Variants in NOD2 observed in about 807,000 individuals in gnomAD.
The protein encoded by NOD2 is nucleotide binding oligomerization domain containing 2, also known as nucleotide-binding oligomerization domain-containing protein 2.
In NOD2, 86 loss-of-function variants were observed where a neutral mutation model predicts 90.9. That is an observed-to-expected ratio of 0.95 (90% CI 0.79 to 1.13). NOD2 has a LOEUF of 1.13. Among genes scored for constraint, NOD2 ranks in the 50% most tolerant of loss-of-function variants. The probability of loss-of-function intolerance (pLI) is 0.00; values close to 1 mark genes in which losing one functional copy is unlikely to be tolerated. For synonymous variants in NOD2, 581 were observed against 554.6 expected, an observed-to-expected ratio of 1.05 and a Z score of -0.67; for missense variants, 1,238 against 1,283.8, an observed-to-expected ratio of 0.96 and a Z score of 0.55.
rs1258682948 is a variant in NOD2 at position 50,699,678 on chromosome 16, T to C, written c.183T>C (p.Leu61=). Reference sequence around the variant, plus strand: ...CTCTCTCCCACTTGGCCAGGCGCCTTCTGGACACCGTCTGGAATAAGGGTA... The same window carrying C: ...CTCTCTCCCACTTGGCCAGGCGCCTCCTGGACACCGTCTGGAATAAGGGTA... The part of the protein sequence containing the change: ...GQPLSHLARR[L]LDTVWNKGTW... The change falls in exon 2 of 12, where the codon CTT becomes CTC. Residue 61 remains leucine (L), a synonymous_variant. Transcript: ENST00000647318. 6.2e-7 allele frequency: 1 copy of C among 1,614,016 alleles called. No individual in the cohort carries two copies. Among genetic ancestry groups the C allele is most frequent in the Non-Finnish European group, 8.5e-7 (1 of 1,180,018 alleles).
chr16:50,711,254 C>T lies in NOD2; in HGVS notation c.1262C>T (p.Ser421Phe). The change falls in exon 4 of 12, where the codon TCT (serine) becomes TTT (phenylalanine). Residue 421 changes from serine (S) to phenylalanine (F), a missense_variant. Physicochemically the swap from Ser to Phe is radical, Grantham distance 155. Transcript: ENST00000647318. ...ACCGAGTTCAACCTCAAGGGCTTCT[C>T]TGAACAGGGCATCGAGCTGTACCTG... ...IRTEFNLKGF[S>F]EQGIELYLRK... 1 of 1,613,910 alleles carries T rather than the reference C, an allele frequency of 6.2e-7. No individual in the cohort carries two copies. Among genetic ancestry groups the T allele is most frequent in the Non-Finnish European group, 8.5e-7 (1 of 1,180,012 alleles).
chr16:50,695,867 A>G (rs981743513), intron 1 of NOD2, among the ~76,000 whole-genome samples: 4 of 151,906 alleles, frequency 2.6e-5, no homozygotes, highest in Non-Finnish European at 5.9e-5. Context: ...AGGGAATGGG[A>G]GGGGATGGGA....
chr16:50,722,628 G>T lies in NOD2; in HGVS notation c.2640G>T (p.Trp880Cys). The change falls in exon 8 of 12, where the codon TGG (tryptophan) becomes TGT (cysteine). Residue 880 changes from tryptophan to cysteine, a missense_variant. Around this residue, in one of 3 missense-constraint regions of NOD2, gnomAD observed 667 missense variants for 688.7 expected, o/e 0.97. Transcript: ENST00000647318. ...GNTSLQFLGF[W>C]GNRVGDEGAQ... is the part of the protein sequence containing the mutation. The stretch of plus-strand genomic sequence containing the variant: ...ACTCTTTTGGCCTTTTCAGATTCTG[G>T]GGCAACAGAGTGGGTGACGAGGGGG... The T allele has an allele frequency of 6.2e-7, 1 of 1,614,176 alleles. No individual in the cohort carries two copies. The highest frequency in any genetic ancestry group is 1.1e-5 in the South Asian group (1 of 91,084).
At chr16:50,720,082 C>A in intron 7 of NOD2, 74 bp downstream of exon 7, 1 of 1,402,092 alleles carries the variant, frequency 7.1e-7, no homozygotes, top group Non-Finnish European at 1.0e-6. Flanking sequence ...GCAGGTGAAA[C>A]TCTTCAGCCA....
chr16:50,715,698 G>T (rs997866760), intron 4 of NOD2: 1 of 152,264 alleles, frequency 6.6e-6, no homozygotes, highest in Non-Finnish European at 1.5e-5. Context: ...TTACAGGCGT[G>T]AGCCACCGTG....
At position 50,722,659 on chromosome 16, in the gene NOD2, G is replaced by T. The variant is rs769395722; in HGVS notation, c.2671G>T (p.Ala891Ser). 5.0e-6 allele frequency: 8 copies of T among 1,614,112 alleles called. No individual in the cohort carries two copies. The highest frequency in any genetic ancestry group is 1.6e-4 in the Middle Eastern group (1 of 6,084). The part of the protein sequence containing the change: ...GNRVGDEGAQ[A>S]LAEALGDHQS... ...CAGAGTGGGTGACGAGGGGGCCCAGGCCCTGGCTGAAGCCTTGGGTGATCA... is the reference window on the plus strand; with the variant it reads ...CAGAGTGGGTGACGAGGGGGCCCAGTCCCTGGCTGAAGCCTTGGGTGATCA... Residue 891 changes from alanine (A) to serine (S), a missense_variant, in exon 8 of 12, where the codon GCC (alanine) becomes TCC (serine). Ala to Ser is a moderately conservative substitution (Grantham distance 99). Around this residue, in one of 3 missense-constraint regions of NOD2, gnomAD observed 667 missense variants for 688.7 expected, o/e 0.97. Transcript: ENST00000647318.
intron 4 of NOD2, among the ~76,000 whole-genome samples, chr16:50,715,373 G>GT (rs1964736307): frequency 6.6e-6 from 1 of 151,770 alleles, no homozygotes; most frequent in Non-Finnish European, 1.5e-5. Flanking sequence ...GTGCTCACAA[G>GT]GCTTTATGTG....
Position 50,700,911 on chromosome 16 carries a change from G to A in NOD2, c.459+957G>A, listed in dbSNP as rs147154782. 1.1e-3 allele frequency among the ~76,000 whole-genome samples: 165 copies of A among 152,330 alleles called. 1 individual carries two copies. The East Asian group carries it at 0.023, about 21-fold the overall frequency. ...AGAGTTGGTATATAACAGCCCCTGA[G>A]AATGTAGTAACTCAGCAGAGACCAG... On this transcript the variant is annotated intron_variant, in intron 2 of 11. Coordinates refer to ENST00000647318, the MANE Select transcript of NOD2 (RefSeq NM_001370466.1).
intron 6 of NOD2, chr16:50,719,709 C>A: frequency 1.5e-6 from 1 of 677,656 alleles, no homozygotes; most frequent in Non-Finnish European, 2.7e-6. Context: ...GCTGTGCAAA[C>A]AGCGTCCCGC....
chr16:50,716,677 C>A lies in NOD2; in HGVS notation c.2465+7C>A. The A allele has an allele frequency of 1.9e-6, 3 of 1,613,874 alleles. No individual in the cohort carries two copies. The highest frequency in any genetic ancestry group is 1.1e-5 in the South Asian group (1 of 91,042). ...AGCAATTGCAGAAGTTAGCGTAAGT[C>A]AGCCTGGGCTGTGGACAATGGGCTC... On this transcript the variant is annotated splice_region_variant and intron_variant, in intron 5 of 11. Coordinates refer to ENST00000647318, the MANE Select transcript of NOD2 (RefSeq NM_001370466.1).
intron 2 of NOD2, among the ~76,000 whole-genome samples, chr16:50,705,527 T>C (rs1370867761): frequency 1.3e-5 from 2 of 152,224 alleles, no homozygotes; most frequent in African/African-American, 4.8e-5. Context: ...AGTGTTTATA[T>C]CTTTAGATCT....
chr16:50,731,997 A>T lies in NOD2; in HGVS notation c.*178A>T. Reference sequence around the variant, plus strand: ...TTATTCTGGCAGAGGAGGGAGCATCAGTGCCCTCCAGGATAGACTTTTCCC... The same window carrying T: ...TTATTCTGGCAGAGGAGGGAGCATCTGTGCCCTCCAGGATAGACTTTTCCC... On this transcript the variant is annotated 3_prime_UTR_variant, in exon 12 of 12. Coordinates refer to ENST00000647318, the MANE Select transcript of NOD2 (RefSeq NM_001370466.1). 1 of 659,746 alleles carries T rather than the reference A, an allele frequency of 1.5e-6. No homozygotes were observed. Among genetic ancestry groups the T allele is most frequent in the Non-Finnish European group, 2.8e-6 (1 of 359,986 alleles). The allele number at this position is 659,746 out of a possible 1,614,324, so 40.9% of individuals were successfully genotyped here.
chr16:50,695,163 G>A lies in NOD2; in HGVS notation c.-9+1501G>A, dbSNP rs182384245. Reference sequence around the variant, plus strand: ...GTGGGGTGGAGAATGGATCATGGGGGGGGTGGGGTAAGGGCAGAAGGAGAG... The same window carrying A: ...GTGGGGTGGAGAATGGATCATGGGGAGGGTGGGGTAAGGGCAGAAGGAGAG... On this transcript the variant is annotated intron_variant, in intron 1 of 11. Transcript: ENST00000647318. Among the ~76,000 whole-genome samples the A allele has an allele frequency of 3.1e-3, 469 of 152,018 alleles. 1 individual carries two copies. Among genetic ancestry groups the A allele is most frequent in the Non-Finnish European group, 4.9e-3 (331 of 67,976 alleles).
At chr16:50,719,780 T>G in intron 6 of NOD2, 145 bp from the exon 7 acceptor site, 1 of 778,306 alleles carries the variant, frequency 1.3e-6, no homozygotes, top group Admixed American at 1.7e-5. Flanking sequence ...AAACTAGACC[T>G]AGCAGCGAGG....
intron 4 of NOD2, chr16:50,712,580 G>T (rs1964589630): frequency 7.7e-6 from 5 of 648,204 alleles, no homozygotes; most frequent in African/African-American, 1.8e-5. Flanking sequence ...CTATGTGCTG[G>T]GTCTGGTGCT....
At chr16:50,730,864 T>A (rs1420487992) in intron 11 of NOD2, among the ~76,000 whole-genome samples, 1 of 152,138 alleles carries the variant, frequency 6.6e-6, no homozygotes, top group Non-Finnish European at 1.5e-5. Context: ...AAAAAGCACA[T>A]CAAGGCTGCA....
intron 7 of NOD2, among the ~76,000 whole-genome samples, chr16:50,721,341 T>G (rs1188726475): frequency 6.6e-6 from 1 of 150,542 alleles, no homozygotes; most frequent in Non-Finnish European, 1.5e-5. Flanking sequence ...TGTCATATGA[T>G]ACAAAGTGTT....
At chr16:50,723,431 T>G in intron 9 of NOD2, 47 bp downstream of exon 9, 2 of 1,553,194 alleles carry the variant, frequency 1.3e-6, no homozygotes, top group Non-Finnish European at 1.8e-6. Context: ...TCACAATCTC[T>G]GTTGATCCCC....
At chr16:50,722,805 C>A in intron 8 of NOD2, 100 bp downstream of exon 8, 1 of 1,088,778 alleles carries the variant, frequency 9.2e-7, no homozygotes, top group Non-Finnish European at 1.4e-6. Context: ...ATTTCTACCC[C>A]ACAATGTTAG....
Sources: gnomAD v4.1 joint callset for allele counts (sites outside exome capture counted in the v4.1 genomes callset) on GRCh38, gnomAD v4.1.1 for gene constraint, gnomAD v4.1.1 regional missense constraint, MANE v1.5 for transcripts, NCBI Gene and HGNC (gene_info 2026-07-23, HGNC 2026-07-21) for gene names.